Variants in HRK observed in about 807,000 individuals in gnomAD.
HRK encodes activator of apoptosis harakiri.
HRK carries 6 observed loss-of-function variants against 5.9 expected under a neutral mutation model. That is an observed-to-expected ratio of 1.02 (90% CI 0.56 to 2.01). The LOEUF (loss-of-function observed/expected upper bound fraction) is 2.01, where lower values mean the gene tolerates loss of function less well. Among genes scored for constraint, HRK ranks in the 30% most tolerant of loss-of-function variants. HRK has a pLI of 0.00. For synonymous variants in HRK, 85 were observed against 65.1 expected (o/e 1.31, Z -1.47); for missense variants, 133 against 128.3 (o/e 1.04, Z -0.18).
chr12:116,872,108 C>T (rs574336723), intron 1 of HRK, among the ~76,000 whole-genome samples: 32 of 152,282 alleles, frequency 2.1e-4, no homozygotes, highest in Middle Eastern at 3.4e-3. Context: ...TGGTGGCTCA[C>T]GCCTGTAATC....
intron 1 of HRK, among the ~76,000 whole-genome samples, chr12:116,871,917 C>CTT (rs1162352715): frequency 7.1e-6 from 1 of 140,760 alleles, no homozygotes; most frequent in African/African-American, 2.6e-5. Flanking sequence ...TTAATTAGTT[C>CTT]TTTTTTTTTT....
chr12:116,871,603 CAA>C (rs148974119), intron 1 of HRK, among the ~76,000 whole-genome samples: 7,971 of 137,200 alleles, frequency 0.058, 548 homozygotes, highest in African/African-American at 0.16. Flanking sequence ...CGTGCCCAGC[CAA>C]AAAAAAAAAA....
At chr12:116,867,345 T>C (rs1311826568) in intron 1 of HRK, among the ~76,000 whole-genome samples, 4 of 151,918 alleles carry the variant, frequency 2.6e-5, no homozygotes, top group African/African-American at 9.7e-5. Flanking sequence ...GGTTTCACTA[T>C]GTTGGCCAGG....
Position 116,872,782 on chromosome 12 carries a change from CAA to C in HRK, c.*56+8192_*56+8193del, listed in dbSNP as rs540597460. Among the ~76,000 whole-genome samples the C allele has an allele frequency of 9.7e-5, 13 of 133,560 alleles. No homozygotes were observed. The East Asian group carries it at 3.2e-3, about 33-fold the overall frequency. The allele number at this position is 133,560 out of a possible 152,430, so 87.6% of individuals were successfully genotyped here. A position where few individuals can be genotyped will look rare whatever the true frequency, so the allele number is the denominator to read the frequency against. On this transcript the variant is annotated intron_variant, in intron 1 of 1. Transcript: ENST00000257572. ...AGAGTAAGACCCCGTCTCAAAAAAA[CAA>C]AGAGAGAGAGAGACAGAGACAGAAA... is the stretch of plus-strand genomic sequence containing the variant.
chr12:116,873,554 G>A (rs1878832887), intron 1 of HRK, among the ~76,000 whole-genome samples: 1 of 151,614 alleles, frequency 6.6e-6, no homozygotes, highest in Non-Finnish European at 1.5e-5. Flanking sequence ...CTTATTTTTT[G>A]TAGAGATGGG....
intron 1 of HRK, among the ~76,000 whole-genome samples, chr12:116,868,335 G>A (rs562858741): frequency 6.6e-6 from 1 of 152,110 alleles, no homozygotes; most frequent in Non-Finnish European, 1.5e-5. Flanking sequence ...TCAGCTAGAA[G>A]ACCACCCATT....
At chr12:116,877,308 G>A (rs1215650912) in intron 1 of HRK, among the ~76,000 whole-genome samples, 1 of 151,336 alleles carries the variant, frequency 6.6e-6, no homozygotes, top group Non-Finnish European at 1.5e-5. Flanking sequence ...CGCCCACCTT[G>A]GCCTCCCAAA....
At chr12:116,864,568 G>A (rs576197798) in intron 1 of HRK, among the ~76,000 whole-genome samples, 7 of 152,170 alleles carry the variant, frequency 4.6e-5, no homozygotes, top group Non-Finnish European at 1.0e-4. Context: ...AAAAGGAAGC[G>A]TGGCTTAGGT....
rs1422652525 is a variant in HRK, at chr12:116,856,639, C to T, written c.*4884G>A. Reference sequence around the variant, plus strand: ...TTTTTCCAGTAGACCTAAGTCAGGCCCCGGCTCCCAGTGGGGCCATGTGCT... The same window carrying T: ...TTTTTCCAGTAGACCTAAGTCAGGCTCCGGCTCCCAGTGGGGCCATGTGCT... On this transcript the variant is annotated 3_prime_UTR_variant, in exon 2 of 2. Coordinates refer to ENST00000257572, the MANE Select transcript of HRK (RefSeq NM_003806.4). The surrounding 1 kb of genome is among the most constrained non-coding windows in gnomAD (Gnocchi z 4.4). 6.6e-6 allele frequency: 1 copy of T among 152,260 alleles called. No individual in the cohort carries two copies. The highest frequency in any genetic ancestry group is 1.9e-4 in the East Asian group (1 of 5,196). 9.4% of individuals were successfully genotyped at this position (152,260 alleles called of 1,614,324 possible).
chr12:116,866,533 A>C (rs1287084186), intron 1 of HRK, among the ~76,000 whole-genome samples: 2 of 152,086 alleles, frequency 1.3e-5, no homozygotes, highest in Non-Finnish European at 2.9e-5. Flanking sequence ...AGTGCACAGG[A>C]GACTGTGGAA....
intron 1 of HRK, among the ~76,000 whole-genome samples, chr12:116,864,532 A>G (rs1252956458): frequency 6.6e-6 from 1 of 152,194 alleles, no homozygotes; most frequent in Non-Finnish European, 1.5e-5. Flanking sequence ...CCTAGAACAC[A>G]CACACATATT....
chr12:116,870,424 T>G (rs1016600337), intron 1 of HRK, among the ~76,000 whole-genome samples: 1 of 152,084 alleles, frequency 6.6e-6, no homozygotes, highest in Admixed American at 6.6e-5. Context: ...GCTAGAGGTG[T>G]GGTCCATGAA....
intron 1 of HRK, among the ~76,000 whole-genome samples, chr12:116,864,568 G>T (rs576197798): frequency 3.3e-5 from 5 of 152,288 alleles, no homozygotes; most frequent in Non-Finnish European, 7.3e-5. Flanking sequence ...AAAAGGAAGC[G>T]TGGCTTAGGT....
At chr12:116,865,732 T>A (rs74481989) in intron 1 of HRK, among the ~76,000 whole-genome samples, 6,753 of 152,142 alleles carry the variant, frequency 0.044, 364 homozygotes, top group East Asian at 0.13. Flanking sequence ...TATTTTCTGG[T>A]CATTTGTATA....
In HRK at chr12:116,866,390, C is replaced by CAA. The variant is rs965013066; in HGVS notation, c.*57-4926_*57-4925dup. On this transcript the variant is annotated intron_variant, in intron 1 of 1. Coordinates refer to ENST00000257572, the MANE Select transcript of HRK (RefSeq NM_003806.4). ...TGGACAATATAGCAAGACCCTGTCTCAAAAAAAAAAAAAAAAAAAGACTTG... is the reference window on the plus strand; with the variant it reads ...TGGACAATATAGCAAGACCCTGTCTCAAAAAAAAAAAAAAAAAAAAAGACTTG... 8.4e-4 allele frequency among the ~76,000 whole-genome samples: 46 copies of CAA among 54,756 alleles called. 1 individual carries two copies. Among genetic ancestry groups the CAA allele is most frequent in the Non-Finnish European group, 1.1e-3 (29 of 26,454 alleles). The allele number at this position is 54,756 out of a possible 152,430, so 35.9% of individuals were successfully genotyped here. A position where few individuals can be genotyped will look rare whatever the true frequency, so the allele number is the denominator to read the frequency against.
rs147507324 is a variant in HRK at position 116,858,157 on chromosome 12, G to A, written c.*3366C>T. The A allele has an allele frequency of 1.8e-3, 274 of 148,418 alleles. 2 individuals are homozygous for A. Among genetic ancestry groups the A allele is most frequent in the African/African-American group, 6.6e-3 (265 of 40,440 alleles). 9.2% of individuals were successfully genotyped at this position (148,418 alleles called of 1,614,324 possible). On this transcript the variant is annotated 3_prime_UTR_variant, in exon 2 of 2. Coordinates refer to ENST00000257572, the MANE Select transcript of HRK (RefSeq NM_003806.4). ...AAAACGAACAAAAAAACAGGAACTG[G>A]GCTCTAAGAGATGCGCAGGGCCAAA...
intron 1 of HRK, among the ~76,000 whole-genome samples, chr12:116,874,819 C>A (rs1184666089): frequency 6.6e-6 from 1 of 152,120 alleles, no homozygotes; most frequent in Non-Finnish European, 1.5e-5. Context: ...CAATTGACAG[C>A]CCCAGCTGAC....
chr12:116,864,952 G>A (rs1274502393), intron 1 of HRK, among the ~76,000 whole-genome samples: 2 of 152,098 alleles, frequency 1.3e-5, no homozygotes, highest in African/African-American at 4.8e-5. Context: ...CTAACTCACA[G>A]CCAAAACTCG....
chr12:116,863,478 C>T (rs1030589091), intron 1 of HRK, among the ~76,000 whole-genome samples: 2 of 152,196 alleles, frequency 1.3e-5, no homozygotes. Flanking sequence ...GTACTGCATT[C>T]ACTCTCGCTG....
Sources: gnomAD v4.1 joint callset for allele counts (sites outside exome capture counted in the v4.1 genomes callset) on GRCh38, gnomAD v4.1.1 for gene constraint, Gnocchi (gnomAD v3.1) non-coding constraint, MANE v1.5 for transcripts, NCBI Gene and HGNC (gene_info 2026-07-23, HGNC 2026-07-21) for gene names.